TMEM87B: variants seen among roughly 807,000 people sequenced by gnomAD.
The protein encoded by TMEM87B is transmembrane protein 87B.
A neutral mutation model predicts 80.3 loss-of-function variants in TMEM87B; 83 were observed. The observed-to-expected ratio is 1.03, with a 90% CI of 0.87 to 1.24. The LOEUF is 1.24. Ranked by LOEUF, TMEM87B falls within the 50% of genes most tolerant of loss-of-function variation. TMEM87B has a pLI of 0.00. For synonymous variants in TMEM87B, 219 were observed against 230.5 expected, an observed-to-expected ratio of 0.95 and a Z score of 0.45; for missense variants, 625 against 674.4, an observed-to-expected ratio of 0.93 and a Z score of 0.81.
At chr2:112,091,934 C>A in intron 11 of TMEM87B, 151 bp downstream of exon 11, 1 of 619,008 alleles carries the variant, frequency 1.6e-6, no homozygotes. Context: ...AGCAACTACC[C>A]AAACAAGGAA....
rs1001995873 is a variant in TMEM87B at position 112,119,231 on chromosome 2, C to T, written c.*3088C>T. The T allele has an allele frequency of 1.3e-5, 2 of 152,010 alleles. No individual in the cohort carries two copies. Among genetic ancestry groups the T allele is most frequent in the Non-Finnish European group, 2.9e-5 (2 of 67,972 alleles). 9.4% of individuals were successfully genotyped at this position (152,010 alleles called of 1,614,324 possible). ...AGTTTCGTTGAATGTAGGACATAAC[C>T]GTTTGAAGGGTTTTCATTTGAAAAA... On this transcript the variant is annotated 3_prime_UTR_variant, in exon 19 of 19. Coordinates refer to ENST00000283206, the MANE Select transcript of TMEM87B (RefSeq NM_032824.3).
At chr2:112,089,319 A>G (rs1240368415) in intron 9 of TMEM87B, among the ~76,000 whole-genome samples, 1 of 152,246 alleles carries the variant, frequency 6.6e-6, no homozygotes, top group African/African-American at 2.4e-5. Context: ...CTACTCTTCC[A>G]TTCTATAGAA....
intron 14 of TMEM87B, among the ~76,000 whole-genome samples, chr2:112,099,567 C>T (rs987980904): frequency 9.5e-5 from 13 of 137,206 alleles, no homozygotes; most frequent in East Asian, 4.7e-4. Context: ...CACACACACA[C>T]GCATATACAT....
chr2:112,101,988 A>T (rs900069284), intron 15 of TMEM87B, among the ~76,000 whole-genome samples: 1 of 152,250 alleles, frequency 6.6e-6, no homozygotes, highest in African/African-American at 2.4e-5. Context: ...GCTCTGATCT[A>T]TTAGAAATTT....
chr2:112,077,128 G>T, intron 5 of TMEM87B, 64 bp from the exon 6 acceptor site: 1 of 704,580 alleles, frequency 1.4e-6, no homozygotes, highest in Non-Finnish European at 2.3e-6. Context: ...GCAAACAGTT[G>T]TTCAGCTATA....
intron 5 of TMEM87B, among the ~76,000 whole-genome samples, chr2:112,076,344 A>G (rs1332381004): frequency 6.6e-6 from 1 of 152,164 alleles, no homozygotes; most frequent in Non-Finnish European, 1.5e-5. Flanking sequence ...TTGTTAGAAA[A>G]AAGAGGTTTT....
rs534001732 is a variant in TMEM87B at position 112,118,579 on chromosome 2, A to G, written c.*2436A>G. 13 of 152,316 alleles carry G rather than the reference A, an allele frequency of 8.5e-5. No homozygotes were observed. Among genetic ancestry groups the G allele is most frequent in the African/African-American group, 3.1e-4 (13 of 41,572 alleles). The allele number at this position is 152,316 out of a possible 1,614,324, so 9.4% of individuals were successfully genotyped here. ...TAGTATTTAAATATCTGCTTTAGAT[A>G]GCAATTAATTTTATTGTAAAAATAA... On this transcript the variant is annotated 3_prime_UTR_variant, in exon 19 of 19. Transcript: ENST00000283206.
At chr2:112,103,271 C>A (rs990363707) in intron 15 of TMEM87B, among the ~76,000 whole-genome samples, 3 of 152,216 alleles carry the variant, frequency 2.0e-5, no homozygotes, top group East Asian at 3.9e-4. Flanking sequence ...GCAATGAAGA[C>A]TATAAAACAA....
intron 6 of TMEM87B, among the ~76,000 whole-genome samples, chr2:112,079,688 C>T (rs1180986501): frequency 6.6e-6 from 1 of 152,092 alleles, no homozygotes; most frequent in East Asian, 1.9e-4. Context: ...ACCTTCCATA[C>T]TGTTTTTTAT....
intron 9 of TMEM87B, 54 bp from the exon 10 acceptor site, chr2:112,089,571 A>G (rs1450500451): frequency 4.6e-6 from 7 of 1,535,760 alleles, no homozygotes; most frequent in South Asian, 4.5e-5. Context: ...ATTCAGGTGC[A>G]TTTTACTCAC....
chr2:112,100,749 A>G, intron 15 of TMEM87B, 54 bp downstream of exon 15: 1 of 1,185,238 alleles, frequency 8.4e-7, no homozygotes, highest in East Asian at 2.4e-5. Flanking sequence ...CAACAGAAAT[A>G]TTGTACCTTT....
chr2:112,100,362 C>T (rs1230319136), intron 14 of TMEM87B, among the ~76,000 whole-genome samples: 1 of 152,176 alleles, frequency 6.6e-6, no homozygotes, highest in African/African-American at 2.4e-5. Flanking sequence ...TCCCTTCCCT[C>T]AACATTAAAT....
chr2:112,059,342 T>G (rs1481337965), intron 1 of TMEM87B, among the ~76,000 whole-genome samples: 1 of 151,826 alleles, frequency 6.6e-6, no homozygotes, highest in Non-Finnish European at 1.5e-5. Context: ...TGGGCCACAG[T>G]GGAAGAATTC....
chr2:112,103,045 T>C (rs1225374401), intron 15 of TMEM87B, among the ~76,000 whole-genome samples: 1 of 152,182 alleles, frequency 6.6e-6, no homozygotes, highest in African/African-American at 2.4e-5. Flanking sequence ...AACATGGTTA[T>C]GTATGGAAAA....
intron 17 of TMEM87B, among the ~76,000 whole-genome samples, chr2:112,109,664 C>CTTTTTTTTTTTTTTTTTTT (rs561752709): frequency 8.6e-5 from 4 of 46,344 alleles, no homozygotes; most frequent in Non-Finnish European, 8.6e-5. Context: ...TAAGTATGGT[C>CTTTTTTTTTTTTTTTTTTT]TTTTTTTTTT....
intron 10 of TMEM87B, among the ~76,000 whole-genome samples, chr2:112,091,390 A>C (rs1405431727): frequency 6.6e-6 from 1 of 152,148 alleles, no homozygotes; most frequent in African/African-American, 2.4e-5. Context: ...AGTTCGTTTC[A>C]TTAATAGCCC....
At chr2:112,060,198 A>T (rs897997497) in intron 2 of TMEM87B, among the ~76,000 whole-genome samples, 161 bp downstream of exon 2, 31 of 152,052 alleles carry the variant, frequency 2.0e-4, no homozygotes, top group Admixed American at 9.8e-4. Flanking sequence ...ATACAAAAAA[A>T]GTTAGCTGGG....
At chr2:112,075,245 C>A (rs6542027) in intron 5 of TMEM87B, among the ~76,000 whole-genome samples, 20,037 of 151,996 alleles carry the variant, frequency 0.13, 2,369 homozygotes, top group East Asian at 0.7. Flanking sequence ...ACTAAAAATA[C>A]AAAAATTAGC....
intron 14 of TMEM87B, 77 bp from the exon 15 acceptor site, chr2:112,100,545 C>T (rs4848272): frequency 0.34 from 293,518 of 862,658 alleles, 52,755 homozygotes; most frequent in Middle Eastern, 0.42. Context: ...ATTTTTTATA[C>T]AATGGCTTTT....
Sources: gnomAD v4.1 joint callset for allele counts (sites outside exome capture counted in the v4.1 genomes callset) on GRCh38, gnomAD v4.1.1 for gene constraint, MANE v1.5 for transcripts, NCBI Gene and HGNC (gene_info 2026-07-23, HGNC 2026-07-21) for gene names.